The following ARHGAP8 variants were observed in gnomAD, a reference collection of about 807,000 sequenced individuals.
ARHGAP8 encodes the protein Rho GTPase activating protein 8.
In ARHGAP8, 62 loss-of-function variants were observed where a neutral mutation model predicts 46.1. The ratio of observed to expected loss-of-function variants is 1.34; its 90% CI spans 1.10 to 1.66. The LOEUF (loss-of-function observed/expected upper bound fraction) is 1.66, where lower values mean the gene tolerates loss of function less well. Among genes scored for constraint, ARHGAP8 ranks in the 40% most tolerant of loss-of-function variants. The probability of loss-of-function intolerance (pLI) is 0.00; values close to 1 mark genes in which losing one functional copy is unlikely to be tolerated. For synonymous variants in ARHGAP8, 375 were observed against 243.1 expected, an observed-to-expected ratio of 1.54 and a Z score of -5.05; for missense variants, 923 against 568.4, an observed-to-expected ratio of 1.62 and a Z score of -6.34.
intron 1 of ARHGAP8, among the ~76,000 whole-genome samples, chr22:44,781,989 C>T (rs1046015943): frequency 1.3e-5 from 2 of 152,110 alleles, no homozygotes; most frequent in Non-Finnish European, 2.9e-5. Context: ...CATGCACCAC[C>T]GTGTCTAGCC....
At chr22:44,769,675 TTTG>T (rs1276706219) in intron 1 of ARHGAP8, among the ~76,000 whole-genome samples, 1 of 152,224 alleles carries the variant, frequency 6.6e-6, no homozygotes, top group Non-Finnish European at 1.5e-5. Flanking sequence ...AGGCACTTCT[TTTG>T]TTCTCTCTCT....
intron 2 of ARHGAP8, among the ~76,000 whole-genome samples, chr22:44,790,152 G>T (rs1927553402): frequency 6.6e-6 from 1 of 152,126 alleles, no homozygotes; most frequent in South Asian, 2.1e-4. Flanking sequence ...AAGTCTCTGG[G>T]GTTGGAGAAT....
At chr22:44,789,015 A>T (rs1927476538) in intron 2 of ARHGAP8, among the ~76,000 whole-genome samples, 1 of 152,224 alleles carries the variant, frequency 6.6e-6, no homozygotes, top group Non-Finnish European at 1.5e-5. Context: ...CTACATCCTT[A>T]TGCATATTCT....
At chr22:44,772,387 G>A (rs1328840253) in intron 1 of ARHGAP8, among the ~76,000 whole-genome samples, 25 of 121,612 alleles carry the variant, frequency 2.1e-4, no homozygotes, top group Admixed American at 2.9e-4. Flanking sequence ...ACAGGGTTTC[G>A]CTATGTTGAC....
chr22:44,859,794 A>C lies in ARHGAP8; in HGVS notation c.941A>C (p.Asn314Thr). ...ATCTTACGGAGCCTCCCAGAGCACA[A>C]CTACGTCGTCCTCCGCTACCTCATG... is the stretch of plus-strand genomic sequence containing the variant. The part of the protein sequence containing the change: ...RQILRSLPEH[N>T]YVVLRYLMGF... Residue 314 changes from asparagine to threonine, a missense_variant, in exon 11 of 12, where the codon AAC (asparagine) becomes ACC (threonine). Asn to Thr is a moderately conservative substitution (Grantham distance 65). Transcript: ENST00000356099. 6.2e-7 allele frequency: 1 copy of C among 1,614,076 alleles called. No homozygotes were observed. The highest frequency in any genetic ancestry group is 8.5e-7 in the Non-Finnish European group (1 of 1,180,010).
At chr22:44,756,266 C>G (rs1054848252) in intron 1 of ARHGAP8, among the ~76,000 whole-genome samples, 2 of 152,030 alleles carry the variant, frequency 1.3e-5, no homozygotes, top group Non-Finnish European at 2.9e-5. Context: ...AAAGGAAACT[C>G]AGACGGGGCA....
chr22:44,768,026 G>A (rs1359618671), intron 1 of ARHGAP8, among the ~76,000 whole-genome samples: 1 of 72,266 alleles, frequency 1.4e-5, no homozygotes, highest in Non-Finnish European at 2.5e-5. Context: ...GTGAGACAGA[G>A]TCTTGCTCTG....
chr22:44,839,244 T>G (rs1158335579), intron 7 of ARHGAP8, among the ~76,000 whole-genome samples: 1 of 152,140 alleles, frequency 6.6e-6, no homozygotes, highest in Admixed American at 6.5e-5. Flanking sequence ...TCCGTATTCC[T>G]GCAACAGCAG....
chr22:44,839,731 C>T (rs1028832967), intron 7 of ARHGAP8, among the ~76,000 whole-genome samples: 3 of 152,210 alleles, frequency 2.0e-5, no homozygotes, highest in Admixed American at 1.3e-4. Context: ...ACACTCAGCC[C>T]GGTGGGTTTC....
chr22:44,853,099 G>A (rs1237458240), intron 10 of ARHGAP8, among the ~76,000 whole-genome samples: 1 of 144,308 alleles, frequency 6.9e-6, no homozygotes, highest in East Asian at 1.9e-4. Context: ...ACCGTGTCCG[G>A]CCTAAACTCC....
chr22:44,770,273 C>A (rs1925900908), intron 1 of ARHGAP8, among the ~76,000 whole-genome samples: 1 of 151,838 alleles, frequency 6.6e-6, no homozygotes, highest in Non-Finnish European at 1.5e-5. Flanking sequence ...ACAAAAAAAA[C>A]AAAAAGAAAA....
At position 44,833,237 on chromosome 22, in the gene ARHGAP8, T is replaced by C. The variant is rs550343639; in HGVS notation, c.596+7644T>C. Among the ~76,000 whole-genome samples, 87 of 152,062 alleles carry C rather than the reference T, an allele frequency of 5.7e-4. No individual in the cohort carries two copies. In the South Asian group the frequency reaches 0.016, roughly 28 times the overall value. Reference sequence around the variant, plus strand: ...TCAGCTTCCCAAGTAGCTGGTACTATAGGTATATACTACCATGCCTGGTTA... The same window carrying C: ...TCAGCTTCCCAAGTAGCTGGTACTACAGGTATATACTACCATGCCTGGTTA... On this transcript the variant is annotated intron_variant, in intron 7 of 11. Coordinates refer to ENST00000356099, the MANE Select transcript of ARHGAP8 (RefSeq NM_181335.3).
intron 4 of ARHGAP8, among the ~76,000 whole-genome samples, chr22:44,811,287 G>A (rs974703579): frequency 1.3e-5 from 2 of 152,230 alleles, no homozygotes; most frequent in East Asian, 1.9e-4. Flanking sequence ...TGACCTGTGA[G>A]CAGTGACAAA....
chr22:44,756,389 C>T (rs2146981022), intron 1 of ARHGAP8, among the ~76,000 whole-genome samples: 1 of 152,322 alleles, frequency 6.6e-6, no homozygotes, highest in South Asian at 2.1e-4. Context: ...GGACTCCCAC[C>T]TGACTCTCCA....
At chr22:44,820,093 A>C (rs1019082407) in intron 5 of ARHGAP8, among the ~76,000 whole-genome samples, 2 of 148,966 alleles carry the variant, frequency 1.3e-5, no homozygotes, top group African/African-American at 2.5e-5. Flanking sequence ...GGGTCTCGCC[A>C]GACCTCCTGA....
chr22:44,861,384 C>G (rs2070475060), intron 11 of ARHGAP8, among the ~76,000 whole-genome samples: 1 of 152,228 alleles, frequency 6.6e-6, no homozygotes, highest in Admixed American at 6.5e-5. Context: ...ACCCCAGTGG[C>G]ACCTGGGGGC....
At chr22:44,762,833 C>T (rs751996337) in intron 1 of ARHGAP8, among the ~76,000 whole-genome samples, 8 of 152,166 alleles carry the variant, frequency 5.3e-5, no homozygotes, top group Non-Finnish European at 1.0e-4. Flanking sequence ...CATGAGCCAC[C>T]GTTCCCAGCG....
rs139259602 is a variant in ARHGAP8, at chr22:44,832,331, A to T, written c.596+6738A>T. The stretch of plus-strand genomic sequence containing the variant: ...AACCTCTGCCTCCTGGGTTCAAGTG[A>T]TTCTCCTGCCTCAGCCTCCCAAGTA... On this transcript the variant is annotated intron_variant, in intron 7 of 11. Transcript: ENST00000356099. Among the ~76,000 whole-genome samples, 1,462 of 148,952 alleles carry T rather than the reference A, an allele frequency of 9.8e-3. 23 individuals carry two copies. Among genetic ancestry groups the T allele is most frequent in the African/African-American group, 0.034 (1,359 of 40,294 alleles).
intron 7 of ARHGAP8, among the ~76,000 whole-genome samples, chr22:44,837,941 CAG>C (rs1431674844): frequency 1.3e-5 from 2 of 152,116 alleles, no homozygotes; most frequent in Non-Finnish European, 2.9e-5. Context: ...TGGATGATCT[CAG>C]AGTCTCTTCC....
Sources: gnomAD v4.1 joint callset for allele counts (sites outside exome capture counted in the v4.1 genomes callset) on GRCh38, gnomAD v4.1.1 for gene constraint, MANE v1.5 for transcripts, NCBI Gene and HGNC (gene_info 2026-07-23, HGNC 2026-07-21) for gene names.